The following ZBBX variants were observed in gnomAD, a reference collection of about 807,000 sequenced individuals.
ZBBX encodes the protein zinc finger B-box domain containing, also known as zinc finger B-box domain-containing protein 1.
A neutral mutation model predicts 108.5 loss-of-function variants in ZBBX; 101 were observed. The ratio of observed to expected loss-of-function variants is 0.93; its 90% CI spans 0.79 to 1.10. The LOEUF (loss-of-function observed/expected upper bound fraction) is 1.10, where lower values mean the gene tolerates loss of function less well. ZBBX is among the 50% of genes least tolerant of loss of function. The pLI is 0.00. For missense variants in ZBBX, 1,009 were observed against 941.4 expected, an observed-to-expected ratio of 1.07 and a Z score of -0.94; for synonymous variants, 356 against 323.4, an observed-to-expected ratio of 1.10 and a Z score of -1.08.
the ZBBX span, among the ~76,000 whole-genome samples, chr3:167,187,052 A>G: frequency 2.0e-5 from 3 of 152,280 alleles, no homozygotes; most frequent in East Asian, 3.9e-4. Context: ...GGCTTTGACC[A>G]TTTATTTTGC....
chr3:167,267,359 T>C (rs1191758601), intron 20 of ZBBX, among the ~76,000 whole-genome samples: 1 of 152,110 alleles, frequency 6.6e-6, no homozygotes, highest in Non-Finnish European at 1.5e-5. Context: ...TGAGCGTTAA[T>C]AAGCCTCCAG....
intron 1 of ZBBX, among the ~76,000 whole-genome samples, chr3:167,405,908 A>G (rs1748568486): frequency 2.0e-5 from 3 of 152,182 alleles, no homozygotes. Flanking sequence ...CGTCTCTACT[A>G]AAAATACAAA....
chr3:167,280,337 T>G (rs1440552503), intron 20 of ZBBX, among the ~76,000 whole-genome samples: 1 of 145,496 alleles, frequency 6.9e-6, no homozygotes, highest in East Asian at 2.0e-4. Flanking sequence ...TGGGAGAAAA[T>G]TTTTGCAACC....
intron 1 of ZBBX, among the ~76,000 whole-genome samples, chr3:167,398,570 C>A (rs9877924): frequency 0.022 from 3,269 of 151,858 alleles, 62 homozygotes; most frequent in Middle Eastern, 0.062. Flanking sequence ...TATATATAAA[C>A]CTACTGTATA....
chr3:167,238,288 A>T (rs1720312970), downstream of ZBBX, among the ~76,000 whole-genome samples: 1 of 152,046 alleles, frequency 6.6e-6, no homozygotes, highest in African/African-American at 2.4e-5. Context: ...TGTCTATGGG[A>T]TTGTGACAGA....
the ZBBX span, among the ~76,000 whole-genome samples, chr3:167,234,767 C>A: frequency 3.3e-5 from 5 of 151,612 alleles, no homozygotes; most frequent in Non-Finnish European, 7.4e-5. Flanking sequence ...GGAATAAAAC[C>A]CCAATTTTAT....
rs1735581603 is a variant in ZBBX at position 167,317,045 on chromosome 3, T to G, written c.1154A>C (p.Glu385Ala). 1 of 1,610,816 alleles carries G rather than the reference T, an allele frequency of 6.2e-7. No homozygotes were observed. Among genetic ancestry groups the G allele is most frequent in the Non-Finnish European group, 8.5e-7 (1 of 1,177,984 alleles). ...LLLPVETLNIERPEPSLKIVE... is the reference protein window; with the variant it reads ...LLLPVETLNIARPEPSLKIVE... ...TATCTTTAGAGATGGTTCAGGTCTCTCTATGTTTAATGTTTCTACTGGCAA... is the reference window on the plus strand; with the variant it reads ...TATCTTTAGAGATGGTTCAGGTCTCGCTATGTTTAATGTTTCTACTGGCAA... Residue 385 changes from glutamate (E) to alanine (A), a missense_variant, in exon 14 of 22, where the codon GAG (glutamate) becomes GCG (alanine). By Grantham distance (107) the Glu-to-Ala change is moderately radical. Transcript: ENST00000675490.
chr3:167,370,202 G>A (rs899020023), intron 4 of ZBBX, among the ~76,000 whole-genome samples: 6 of 152,102 alleles, frequency 3.9e-5, no homozygotes, highest in Non-Finnish European at 7.4e-5. Flanking sequence ...GAGAATTTGG[G>A]CTAGTCTGAC....
the ZBBX span, among the ~76,000 whole-genome samples, chr3:167,189,604 C>A: frequency 2.6e-5 from 4 of 152,190 alleles, no homozygotes; most frequent in African/African-American, 9.6e-5. Flanking sequence ...ATATTGTCTA[C>A]TTCATACAGA....
the ZBBX span, among the ~76,000 whole-genome samples, chr3:167,198,218 C>G: frequency 6.6e-6 from 1 of 151,846 alleles, no homozygotes; most frequent in Non-Finnish European, 1.5e-5. Flanking sequence ...TCTAGTGTGA[C>G]AGAAACAGCT....
intron 17 of ZBBX, among the ~76,000 whole-genome samples, chr3:167,299,312 G>A (rs571776603): frequency 7.2e-5 from 11 of 152,056 alleles, no homozygotes; most frequent in African/African-American, 2.6e-4. Context: ...TTATATAAAT[G>A]AGATCATATT....
intron 8 of ZBBX, among the ~76,000 whole-genome samples, chr3:167,357,010 G>A (rs1743688374): frequency 6.6e-6 from 1 of 152,118 alleles, no homozygotes; most frequent in Non-Finnish European, 1.5e-5. Context: ...AAATAGTGAT[G>A]CCTATTAGAC....
upstream of ZBBX, among the ~76,000 whole-genome samples, chr3:167,385,094 CT>C (rs570748139): frequency 4.2e-3 from 637 of 152,096 alleles, 5 homozygotes; most frequent in African/African-American, 0.015. Context: ...AATCATGTGT[CT>C]CTTAATGATG....
At chr3:167,352,989 A>T (rs1162843501) in intron 8 of ZBBX, among the ~76,000 whole-genome samples, 3 of 152,176 alleles carry the variant, frequency 2.0e-5, no homozygotes, top group African/African-American at 7.2e-5. Flanking sequence ...AATAAAAGTC[A>T]TAAGACAACA....
At chr3:167,315,032 G>C (rs948179389) in intron 15 of ZBBX, among the ~76,000 whole-genome samples, 1 of 152,110 alleles carries the variant, frequency 6.6e-6, no homozygotes, top group South Asian at 2.1e-4. Context: ...GGATTTTTCT[G>C]TTCAGGGGAA....
At chr3:167,322,782 GGA>G (rs531722619) in intron 11 of ZBBX, among the ~76,000 whole-genome samples, 8 of 151,966 alleles carry the variant, frequency 5.3e-5, no homozygotes, top group Non-Finnish European at 8.8e-5. Context: ...AAGATATCTA[GGA>G]AAGAAAGCAG....
At chr3:167,184,235 G>GTT in the ZBBX span, among the ~76,000 whole-genome samples, 21 of 152,274 alleles carry the variant, frequency 1.4e-4, no homozygotes, top group African/African-American at 5.1e-4. Flanking sequence ...TATGCCAAGA[G>GTT]AAAAAGTTAA....
intron 5 of ZBBX, among the ~76,000 whole-genome samples, chr3:167,368,205 T>C (rs1745631393): frequency 6.6e-6 from 1 of 151,122 alleles, no homozygotes; most frequent in South Asian, 2.1e-4. Context: ...AAAAGTTAAA[T>C]AAAAAGGAAA....
chr3:167,247,019 T>G (rs1721689047), intron 20 of ZBBX, among the ~76,000 whole-genome samples: 1 of 152,114 alleles, frequency 6.6e-6, no homozygotes, highest in African/African-American at 2.4e-5. Context: ...AAGTGCTGGA[T>G]AGAGAAAGGC....
Sources: allele counts gnomAD v4.1 joint callset (sites outside exome capture counted in the v4.1 genomes callset), GRCh38; gene constraint gnomAD v4.1.1; transcripts MANE v1.5; gene names NCBI Gene and HGNC (gene_info 2026-07-23, HGNC 2026-07-21).